BORA: variants seen among roughly 807,000 people sequenced by gnomAD.
BORA encodes the protein BORA aurora kinase A activator, also known as protein aurora borealis.
Under a neutral mutation model 55.8 loss-of-function variants are expected in BORA, and 26 were observed. That is an observed-to-expected ratio of 0.47 (90% CI 0.34 to 0.65). BORA has a LOEUF of 0.65. Among genes scored for constraint, BORA ranks in the 30% least tolerant of loss-of-function variants. BORA has a pLI of 0.01. For synonymous variants in BORA, 201 were observed against 216.9 expected (o/e 0.93, Z 0.64); for missense variants, 568 against 671.5 (o/e 0.85, Z 1.70).
At chr13:72,743,948 G>A (rs2033088756) in intron 6 of BORA, among the ~76,000 whole-genome samples, 1 of 152,040 alleles carries the variant, frequency 6.6e-6, no homozygotes, top group Non-Finnish European at 1.5e-5. Context: ...TGTTGCCCAG[G>A]CTGGTCTCGA....
At chr13:72,743,453 CTTAA>C in intron 5 of BORA, 80 bp from the exon 6 acceptor site, 1 of 922,998 alleles carries the variant, frequency 1.1e-6, no homozygotes, top group East Asian at 2.9e-5. Flanking sequence ...TTTCCACTTT[CTTAA>C]TTTTTTACTT....
chr13:72,748,958 T>G (rs947831033), intron 10 of BORA, among the ~76,000 whole-genome samples: 1 of 152,174 alleles, frequency 6.6e-6, no homozygotes. Context: ...TTACAACCTC[T>G]TCCTTCTATT....
intron 10 of BORA, among the ~76,000 whole-genome samples, chr13:72,749,312 G>T (rs535991495): frequency 4.4e-4 from 67 of 152,130 alleles, no homozygotes; most frequent in African/African-American, 1.6e-3. Flanking sequence ...TGTCTACAGG[G>T]TTCTGAAATT....
chr13:72,729,438 G>C (rs2032762966), intron 2 of BORA, among the ~76,000 whole-genome samples: 1 of 152,190 alleles, frequency 6.6e-6, no homozygotes, highest in African/African-American at 2.4e-5. Flanking sequence ...CATTATTTGA[G>C]TGTTGCTATG....
In BORA at chr13:72,749,732, G is replaced by A. The variant is rs61966327; in HGVS notation, c.1482+2621G>A. 7.5e-3 allele frequency among the ~76,000 whole-genome samples: 1,141 copies of A among 152,054 alleles called. 8 individuals carry two copies. The highest frequency in any genetic ancestry group is 0.014 in the Admixed American group (209 of 15,266). ...GCTTTCCAAAGTTTTAAAAAGCCAC[G>A]TTTTCTCTTGTTACAGGGCCTTTTT... is the stretch of plus-strand genomic sequence containing the variant. On this transcript the variant is annotated intron_variant, in intron 10 of 11. Transcript: ENST00000390667.
chr13:72,740,912 T>C (rs767554957), intron 5 of BORA, among the ~76,000 whole-genome samples: 7 of 152,214 alleles, frequency 4.6e-5, no homozygotes, highest in Non-Finnish European at 1.0e-4. Context: ...AGTTTCCTTA[T>C]CTATAAAATG....
At position 72,746,484 on chromosome 13, in the gene BORA, C is replaced by T. The variant is rs1398957786; in HGVS notation, c.872-17C>T. 1.3e-6 allele frequency: 2 copies of T among 1,568,948 alleles called. No individual in the cohort carries two copies. The highest frequency in any genetic ancestry group is 1.2e-5 in the South Asian group (1 of 85,360). On this transcript the variant is annotated splice_polypyrimidine_tract_variant and intron_variant, in intron 9 of 11. Transcript: ENST00000390667. ...ATGTTTTTATGATGTGATTTTTTTTCCCTTCCCACCTTTCAGAACAAAGGA... is the reference window on the plus strand; with the variant it reads ...ATGTTTTTATGATGTGATTTTTTTTTCCTTCCCACCTTTCAGAACAAAGGA...
intron 10 of BORA, 42 bp downstream of exon 10, chr13:72,747,153 G>A (rs1388361877): frequency 6.3e-7 from 1 of 1,584,124 alleles, no homozygotes; most frequent in Non-Finnish European, 8.6e-7. Flanking sequence ...TCACTGCCTT[G>A]GTGTTCTTTA....
At position 72,728,193 on chromosome 13, in the gene BORA, C is replaced by T. The variant is rs979543146; in HGVS notation, c.-16+186C>T. The T allele has an allele frequency of 5.0e-6, 4 of 804,940 alleles. No homozygotes were observed. In the African/African-American group the frequency reaches 6.7e-5, roughly 14 times the overall value. The allele number at this position is 804,940 out of a possible 1,614,324, so 49.9% of individuals were successfully genotyped here. On this transcript the variant is annotated intron_variant, in intron 1 of 11. Transcript: ENST00000390667. The stretch of plus-strand genomic sequence containing the variant: ...TTGGGGGCGACGCCTCCTTCGCACT[C>T]CATCCAGGGAAGCCGGCTGCATCTC...
chr13:72,753,401 C>G (rs1366933478), intron 10 of BORA: 6 of 230,124 alleles, frequency 2.6e-5, no homozygotes, highest in Non-Finnish European at 4.2e-5. Context: ...CTACTAGGTA[C>G]GATCACAAAA....
At chr13:72,751,700 A>G (rs1334940102) in intron 10 of BORA, among the ~76,000 whole-genome samples, 2 of 152,214 alleles carry the variant, frequency 1.3e-5, no homozygotes, top group East Asian at 1.9e-4. Context: ...GTAATTAACA[A>G]TTTATCGTAT....
intron 4 of BORA, among the ~76,000 whole-genome samples, chr13:72,736,720 TTTTGGTAGA>T (rs372234253): frequency 9.1e-4 from 138 of 152,264 alleles, no homozygotes; most frequent in African/African-American, 2.8e-3. Context: ...GAATTTTCAG[TTTTGGTAGA>T]TTTTACCATA....
Position 72,742,767 on chromosome 13 carries a change from TACAC to T in BORA, c.389-728_389-725del, listed in dbSNP as rs67866253. On this transcript the variant is annotated intron_variant, in intron 5 of 11. Coordinates refer to ENST00000390667, the MANE Select transcript of BORA (RefSeq NM_024808.5). ...TTTTAAAATGTGATATATATATATA[TACAC>T]ACACACACACACACACACACACACA... Among the ~76,000 whole-genome samples, 778 of 141,712 alleles carry T rather than the reference TACAC, an allele frequency of 5.5e-3. 4 individuals carry two copies. The highest frequency in any genetic ancestry group is 0.017 in the African/African-American group (657 of 37,816). The allele number at this position is 141,712 out of a possible 152,430, so 93.0% of individuals were successfully genotyped here. A position where few individuals can be genotyped will look rare whatever the true frequency, so the allele number is the denominator to read the frequency against.
chr13:72,746,451 C>A, intron 9 of BORA, 50 bp from the exon 10 acceptor site: 1 of 1,542,566 alleles, frequency 6.5e-7, no homozygotes, highest in Non-Finnish European at 8.7e-7. Context: ...AGTGACTTTT[C>A]CATTTTCATG....
intron 2 of BORA, among the ~76,000 whole-genome samples, chr13:72,729,481 G>A (rs895687334): frequency 3.3e-5 from 5 of 152,170 alleles, no homozygotes; most frequent in Non-Finnish European, 5.9e-5. Flanking sequence ...GGATTACACT[G>A]TGAACAAGTT....
chr13:72,746,072 C>T lies in BORA; in HGVS notation c.867C>T (p.Leu289=), dbSNP rs374928953. ...PIEFQIGETP[L]SEQRKFTVHS... is the part of the protein sequence containing the mutation. ...AATTTCAGATAGGAGAGACTCCACT[C>T]TCAGGTATGTCTCATAATAAAATAC... The change falls in exon 9 of 12, where the codon CTC becomes CTT. Residue 289 remains leucine, a synonymous_variant. Transcript: ENST00000390667. 1 of 1,608,612 alleles carries T rather than the reference C, an allele frequency of 6.2e-7. No individual in the cohort carries two copies.
At position 72,737,945 on chromosome 13, in the gene BORA, G is replaced by T. The variant is rs937351616; in HGVS notation, c.307-17G>T. The T allele has an allele frequency of 1.3e-6, 2 of 1,531,944 alleles. No homozygotes were observed. The highest frequency in any genetic ancestry group is 1.2e-5 in the South Asian group (1 of 80,918). 94.9% of individuals were successfully genotyped at this position (1,531,944 alleles called of 1,614,324 possible). On this transcript the variant is annotated splice_polypyrimidine_tract_variant and intron_variant, in intron 4 of 11. Coordinates refer to ENST00000390667, the MANE Select transcript of BORA (RefSeq NM_024808.5). Reference sequence around the variant, plus strand: ...GGGTGGAATTTATGCCTAATTGTATGACTTTAATTTTCCTAGTTTTTCACT... The same window carrying T: ...GGGTGGAATTTATGCCTAATTGTATTACTTTAATTTTCCTAGTTTTTCACT...
chr13:72,744,377 A>T, intron 6 of BORA, 128 bp from the exon 7 acceptor site: 1 of 782,474 alleles, frequency 1.3e-6, no homozygotes, highest in East Asian at 2.7e-5. Context: ...TGCAGAAATG[A>T]ATAATTCCAT....
At chr13:72,736,852 C>T (rs2032938162) in intron 4 of BORA, among the ~76,000 whole-genome samples, 2 of 140,638 alleles carry the variant, frequency 1.4e-5, no homozygotes, top group Non-Finnish European at 3.1e-5. Flanking sequence ...TGTTCTACTC[C>T]TATTACTTTA....
Sources: gnomAD v4.1 joint callset for allele counts (sites outside exome capture counted in the v4.1 genomes callset) on GRCh38, gnomAD v4.1.1 for gene constraint, MANE v1.5 for transcripts, NCBI Gene and HGNC (gene_info 2026-07-23, HGNC 2026-07-21) for gene names.